The following MYRIP variants were observed in gnomAD, a reference collection of about 807,000 sequenced individuals.
The protein encoded by MYRIP is rab effector MyRIP.
A neutral mutation model predicts 98.0 loss-of-function variants in MYRIP; 49 were observed. The ratio of observed to expected loss-of-function variants is 0.50; its 90% CI spans 0.40 to 0.63. The LOEUF is 0.63. Among genes scored for constraint, MYRIP ranks in the 30% least tolerant of loss-of-function variants. The pLI, the probability that MYRIP is intolerant of heterozygous loss-of-function variation, is 0.00. For synonymous variants in MYRIP, 404 were observed against 409.5 expected, an observed-to-expected ratio of 0.99 and a Z score of 0.16; for missense variants, 1,004 against 1,058.2, an observed-to-expected ratio of 0.95 and a Z score of 0.71.
chr3:40,184,890 C>A (rs1950985940), intron 9 of MYRIP, among the ~76,000 whole-genome samples: 1 of 152,138 alleles, frequency 6.6e-6, no homozygotes, highest in Non-Finnish European at 1.5e-5. Flanking sequence ...CTCTATGCAT[C>A]TCTCAGGATA....
rs543381071 is a variant in MYRIP, at chr3:40,075,139, T to C, written c.332+30868T>C. Among the ~76,000 whole-genome samples, 191 of 152,302 alleles carry C rather than the reference T, an allele frequency of 1.3e-3. 2 individuals carry two copies. In the South Asian group the frequency reaches 0.034, roughly 27 times the overall value. ...TAAGTTTAATGACATCCAGTATTGA[T>C]ACATGTATATGGGAAAACAGGCAAT... On this transcript the variant is annotated intron_variant, in intron 3 of 16. Transcript: ENST00000302541.
chr3:40,024,540 T>C lies in MYRIP; in HGVS notation c.111-19510T>C, dbSNP rs374679145. Among the ~76,000 whole-genome samples, 204 of 151,488 alleles carry C rather than the reference T, an allele frequency of 1.3e-3. 3 individuals are homozygous for C. The South Asian group carries it at 0.041, about 30-fold the overall frequency. ...ATGAGCCTACAGACTTGGAATTGTG[T>C]CTCCTCTGTAGGCTAGATGCTTTTT... On this transcript the variant is annotated intron_variant, in intron 2 of 16. Coordinates refer to ENST00000302541, the MANE Select transcript of MYRIP (RefSeq NM_015460.4).
At chr3:40,228,831 A>T (rs977919025) in intron 11 of MYRIP, among the ~76,000 whole-genome samples, 4 of 152,200 alleles carry the variant, frequency 2.6e-5, no homozygotes, top group African/African-American at 9.7e-5. Flanking sequence ...TAAGACAGAC[A>T]CACAGACACA....
intron 3 of MYRIP, among the ~76,000 whole-genome samples, chr3:40,072,506 C>T (rs1323148332): frequency 6.6e-6 from 1 of 152,146 alleles, no homozygotes; most frequent in Non-Finnish European, 1.5e-5. Flanking sequence ...CGCGCCCAGC[C>T]TGCATTTTAA....
chr3:40,018,206 T>C (rs1007167626), intron 2 of MYRIP, among the ~76,000 whole-genome samples: 1 of 152,230 alleles, frequency 6.6e-6, no homozygotes, highest in Admixed American at 6.5e-5. Context: ...GCTTTTGTAT[T>C]CTTTTGCTCC....
chr3:40,257,847 T>C (rs1467331016), intron 16 of MYRIP, among the ~76,000 whole-genome samples: 1 of 152,148 alleles, frequency 6.6e-6, no homozygotes, highest in African/African-American at 2.4e-5. Context: ...AAAGAAGGTA[T>C]GGATTATTAA....
At chr3:40,127,772 G>A (rs1303688731) in intron 3 of MYRIP, among the ~76,000 whole-genome samples, 4 of 152,182 alleles carry the variant, frequency 2.6e-5, no homozygotes, top group Non-Finnish European at 2.9e-5. Flanking sequence ...ACGGTACAGC[G>A]TATTTCCTGT....
chr3:40,077,198 C>T (rs183327599), intron 3 of MYRIP, among the ~76,000 whole-genome samples: 145 of 152,218 alleles, frequency 9.5e-4, no homozygotes, highest in African/African-American at 3.3e-3. Flanking sequence ...CATAAAACAG[C>T]GTGGACCCAA....
intron 2 of MYRIP, among the ~76,000 whole-genome samples, chr3:39,938,714 C>G (rs1351307932): frequency 6.6e-6 from 1 of 152,054 alleles, no homozygotes; most frequent in Non-Finnish European, 1.5e-5. Context: ...CTATGTTGCC[C>G]AGGCTGGTGT....
At chr3:40,136,063 G>A (rs978272089) in intron 3 of MYRIP, among the ~76,000 whole-genome samples, 1 of 152,154 alleles carries the variant, frequency 6.6e-6, no homozygotes, top group African/African-American at 2.4e-5. Flanking sequence ...TGGGCTAAAT[G>A]CTCCAACTAA....
At chr3:39,868,239 T>C (rs113941226) in intron 1 of MYRIP, among the ~76,000 whole-genome samples, 334 of 152,314 alleles carry the variant, frequency 2.2e-3, no homozygotes, top group African/African-American at 6.3e-3. Context: ...GGCAAGAAAT[T>C]TACAATTGTG....
intron 1 of MYRIP, among the ~76,000 whole-genome samples, chr3:39,811,292 A>G (rs2125560529): frequency 6.6e-6 from 1 of 152,298 alleles, no homozygotes; most frequent in East Asian, 1.9e-4. Context: ...AAATGAAATA[A>G]TCCCCGCCGC....
intron 2 of MYRIP, among the ~76,000 whole-genome samples, chr3:40,041,730 CTG>C (rs1189932058): frequency 1.4e-5 from 2 of 145,326 alleles, no homozygotes; most frequent in African/African-American, 5.1e-5. Context: ...TATTAAATCA[CTG>C]TTAAACTTCC....
At chr3:40,238,453 C>T (rs1318461716) in intron 12 of MYRIP, among the ~76,000 whole-genome samples, 5 of 152,178 alleles carry the variant, frequency 3.3e-5, no homozygotes, top group African/African-American at 1.2e-4. Context: ...TGCACTCCTC[C>T]GCTGTTCTCC....
chr3:39,831,370 A>G (rs150042100), intron 1 of MYRIP, among the ~76,000 whole-genome samples: 2,209 of 152,000 alleles, frequency 0.015, 59 homozygotes, highest in African/African-American at 0.051. Context: ...CTCCAAATCA[A>G]CCTTCTAAAA....
intron 3 of MYRIP, among the ~76,000 whole-genome samples, chr3:40,089,056 C>A (rs2125880592): frequency 6.6e-6 from 1 of 152,176 alleles, no homozygotes; most frequent in Non-Finnish European, 1.5e-5. Flanking sequence ...ATGCTGGTGT[C>A]ATTCCCAGGG....
chr3:40,203,941 T>TAA, intron 10 of MYRIP, among the ~76,000 whole-genome samples: 1 of 230 alleles, frequency 4.3e-3, no homozygotes, highest in African/African-American at 5.2e-3. Flanking sequence ...ATAATATATA[T>TAA]TATATATATT....
At chr3:39,856,738 C>T (rs957278977) in intron 1 of MYRIP, among the ~76,000 whole-genome samples, 3 of 152,292 alleles carry the variant, frequency 2.0e-5, no homozygotes, top group South Asian at 2.1e-4. Context: ...GTCCATCCAT[C>T]TGATGGCCCC....
intron 11 of MYRIP, among the ~76,000 whole-genome samples, 155 bp from the exon 12 acceptor site, chr3:40,233,704 A>G (rs770005989): frequency 6.6e-5 from 10 of 152,196 alleles, no homozygotes; most frequent in Non-Finnish European, 1.5e-4. Context: ...TGCTGTGTCT[A>G]GTTTAATTTT....
Sources: allele counts gnomAD v4.1 joint callset (sites outside exome capture counted in the v4.1 genomes callset), GRCh38; gene constraint gnomAD v4.1.1; transcripts MANE v1.5; gene names NCBI Gene and HGNC (gene_info 2026-07-23, HGNC 2026-07-21).